Variants in IL1RAPL2 observed in about 807,000 individuals in gnomAD.
IL1RAPL2 encodes the protein X-linked interleukin-1 receptor accessory protein-like 2.
IL1RAPL2 carries 3 observed loss-of-function variants against 44.1 expected under a neutral mutation model. The ratio of observed to expected loss-of-function variants is 0.07; its 90% CI spans 0.03 to 0.18. The LOEUF (loss-of-function observed/expected upper bound fraction) is 0.18. Among genes scored for constraint, IL1RAPL2 ranks in the 10% least tolerant of loss-of-function variants. IL1RAPL2 has a pLI of 1.00. For missense variants in IL1RAPL2, 391 were observed against 496.4 expected, an observed-to-expected ratio of 0.79 and a Z score of 2.02; for synonymous variants, 181 against 178.8, an observed-to-expected ratio of 1.01 and a Z score of -0.10.
intron 5 of IL1RAPL2, among the ~76,000 whole-genome samples, chrX:105,462,536 G>T (rs2036100195): frequency 9.0e-6 from 1 of 111,361 alleles, no homozygotes; most frequent in South Asian, 3.7e-4. Flanking sequence ...CTTTGCCATT[G>T]TGTGAAGAGA....
rs1346401682 is a variant in IL1RAPL2 at position 105,095,248 on chromosome X, T to C, written c.83-100227T>C. 2.7e-5 allele frequency among the ~76,000 whole-genome samples: 3 copies of C among 111,589 alleles called. No individual in the cohort carries two copies. The East Asian group carries it at 8.5e-4, about 31-fold the overall frequency. ...GTAAAAATTCCTGACTTTTTTCTGATGTTTGGAGGAAACATTTCAATCTTT... is the reference window on the plus strand; with the variant it reads ...GTAAAAATTCCTGACTTTTTTCTGACGTTTGGAGGAAACATTTCAATCTTT... On this transcript the variant is annotated intron_variant, in intron 2 of 10. Coordinates refer to ENST00000372582, the MANE Select transcript of IL1RAPL2 (RefSeq NM_017416.2).
At chrX:105,726,242 A>G (rs773365572) in intron 7 of IL1RAPL2, among the ~76,000 whole-genome samples, 22 of 111,968 alleles carry the variant, frequency 2.0e-4, no homozygotes, top group Non-Finnish European at 3.8e-4. Flanking sequence ...CATATTGGAT[A>G]CTCATAATAA....
At chrX:105,575,375 T>C (rs2037043060) in intron 6 of IL1RAPL2, among the ~76,000 whole-genome samples, 1 of 111,260 alleles carries the variant, frequency 9.0e-6, no homozygotes, top group Non-Finnish European at 1.9e-5. Flanking sequence ...TTCACCTCTA[T>C]GTGTCCATGT....
At chrX:104,986,973 G>A (rs1431533174) in intron 2 of IL1RAPL2, among the ~76,000 whole-genome samples, 1 of 112,294 alleles carries the variant, frequency 8.9e-6, no homozygotes, top group Non-Finnish European at 1.9e-5. Context: ...GACATGAAAT[G>A]CACATGCAGT....
chrX:104,616,691 C>T (rs1005492471), intron 1 of IL1RAPL2, among the ~76,000 whole-genome samples: 4 of 111,700 alleles, frequency 3.6e-5, no homozygotes, highest in Admixed American at 9.5e-5. Flanking sequence ...GGTACTGACT[C>T]AGTACAGGAA....
intron 2 of IL1RAPL2, among the ~76,000 whole-genome samples, chrX:104,817,148 C>T (rs1921158920): frequency 8.9e-6 from 1 of 112,515 alleles, no homozygotes; most frequent in Admixed American, 9.4e-5. Flanking sequence ...TCCTGTCTGT[C>T]TAGATTCTTC....
chrX:104,965,563 A>AT (rs1327273677), intron 2 of IL1RAPL2, among the ~76,000 whole-genome samples: 14 of 111,699 alleles, frequency 1.3e-4, no homozygotes, highest in African/African-American at 4.6e-4. Context: ...ATAAATTCAC[A>AT]ATCCAAAGTT....
chrX:105,074,527 C>G (rs2147541074), intron 2 of IL1RAPL2, among the ~76,000 whole-genome samples: 1 of 110,245 alleles, frequency 9.1e-6, no homozygotes, highest in Non-Finnish European at 1.9e-5. Context: ...AATGCTGGCT[C>G]TTTTTTGGTT....
chrX:104,857,792 C>T lies in IL1RAPL2; in HGVS notation c.82+198797C>T, dbSNP rs780764140. 6.3e-5 allele frequency among the ~76,000 whole-genome samples: 7 copies of T among 110,624 alleles called. No individual in the cohort carries two copies. In the Admixed American group the frequency reaches 6.8e-4, roughly 11 times the overall value. The stretch of plus-strand genomic sequence containing the variant: ...TCCTCCTACTACTCAGATTAATCAG[C>T]GCTGCCATATGGAATGTCATTGCCT... On this transcript the variant is annotated intron_variant, in intron 2 of 10. Coordinates refer to ENST00000372582, the MANE Select transcript of IL1RAPL2 (RefSeq NM_017416.2).
intron 1 of IL1RAPL2, among the ~76,000 whole-genome samples, chrX:104,602,407 C>G (rs947703837): frequency 1.8e-5 from 2 of 111,668 alleles, no homozygotes; most frequent in Admixed American, 9.5e-5. Context: ...ACCATTTGGG[C>G]AGACACCAAA....
intron 2 of IL1RAPL2, among the ~76,000 whole-genome samples, chrX:104,881,103 C>T (rs868492806): frequency 5.4e-5 from 6 of 111,024 alleles, no homozygotes; most frequent in Admixed American, 1.9e-4. Context: ...TTTTACATAA[C>T]GTAAAATTTT....
At chrX:104,648,623 C>A (rs1163455900) in intron 1 of IL1RAPL2, among the ~76,000 whole-genome samples, 2 of 111,748 alleles carry the variant, frequency 1.8e-5, no homozygotes, top group Non-Finnish European at 3.8e-5. Context: ...TGATTGAAGA[C>A]TTTTTGTCTA....
At chrX:104,690,307 T>G (rs1213004647) in intron 2 of IL1RAPL2, among the ~76,000 whole-genome samples, 1 of 112,662 alleles carries the variant, frequency 8.9e-6, no homozygotes, top group Non-Finnish European at 1.9e-5. Flanking sequence ...TGTGATCTGT[T>G]AATAAATTAT....
chrX:105,697,293 C>CAAAAA (rs1308596758), intron 6 of IL1RAPL2, among the ~76,000 whole-genome samples: 5 of 76,975 alleles, frequency 6.5e-5, no homozygotes, highest in Admixed American at 4.8e-4. Flanking sequence ...CAACATAGCT[C>CAAAAA]AAAAAAAAAA....
chrX:104,687,251 G>A (rs1007533318), intron 2 of IL1RAPL2, among the ~76,000 whole-genome samples: 12 of 111,980 alleles, frequency 1.1e-4, no homozygotes, highest in African/African-American at 2.6e-4. Flanking sequence ...TCTGGAGGGC[G>A]TTCAGGAAGC....
At chrX:104,635,970 GT>G (rs1310762463) in intron 1 of IL1RAPL2, among the ~76,000 whole-genome samples, 5 of 111,478 alleles carry the variant, frequency 4.5e-5, no homozygotes, top group Non-Finnish European at 9.4e-5. Flanking sequence ...CCATCTTTGT[GT>G]TTTTATCTAC....
At chrX:105,194,125 C>G (rs1212281022) in intron 2 of IL1RAPL2, among the ~76,000 whole-genome samples, 4 of 112,210 alleles carry the variant, frequency 3.6e-5, no homozygotes, top group African/African-American at 1.3e-4. Context: ...CATCTTCCCC[C>G]TGGGTGTCCT....
chrX:104,585,369 ATT>A (rs1158182994), intron 1 of IL1RAPL2, among the ~76,000 whole-genome samples: 3 of 25,985 alleles, frequency 1.2e-4, no homozygotes, highest in African/African-American at 2.1e-4. Flanking sequence ...TATTATATAT[ATT>A]ATATATAATA....
chrX:105,097,964 G>A (rs140470212), intron 2 of IL1RAPL2, among the ~76,000 whole-genome samples: 1,367 of 111,756 alleles, frequency 0.012, 13 homozygotes, highest in Non-Finnish European at 0.019. Context: ...CCATGGGGGA[G>A]TGGAGCTGGG....
Sources: allele counts gnomAD v4.1 joint callset (sites outside exome capture counted in the v4.1 genomes callset), GRCh38; gene constraint gnomAD v4.1.1; transcripts MANE v1.5; gene names NCBI Gene and HGNC (gene_info 2026-07-23, HGNC 2026-07-21).